RASA2: variants seen among roughly 807,000 people sequenced by gnomAD.
The protein encoded by RASA2 is RAS p21 protein activator 2, also known as ras GTPase-activating protein 2.
A neutral mutation model predicts 118.2 loss-of-function variants in RASA2; 155 were observed. The ratio of observed to expected loss-of-function variants is 1.31; its 90% CI spans 1.15 to 1.50. RASA2 has a LOEUF of 1.50. Ranked by LOEUF, RASA2 falls within the 40% of genes most tolerant of loss-of-function variation. The pLI, the probability that RASA2 is intolerant of heterozygous loss-of-function variation, is 0.00. For missense variants in RASA2, 1,016 were observed against 1,009.6 expected, an observed-to-expected ratio of 1.01 and a Z score of -0.09; for synonymous variants, 353 against 349.1, an observed-to-expected ratio of 1.01 and a Z score of -0.12.
chr3:141,612,243 A>G (rs182580564), intron 23 of RASA2, 40 bp from the exon 24 acceptor site: 2 of 1,450,268 alleles, frequency 1.4e-6, no homozygotes, highest in Admixed American at 1.9e-5. Flanking sequence ...AAATTTTTGT[A>G]TTTCTTAAAT....
At chr3:141,578,049 A>G (rs2083041433) in intron 15 of RASA2, among the ~76,000 whole-genome samples, 1 of 152,210 alleles carries the variant, frequency 6.6e-6, no homozygotes, top group East Asian at 1.9e-4. Flanking sequence ...ACAAATAATA[A>G]CAATAGTCCA....
intron 19 of RASA2, among the ~76,000 whole-genome samples, chr3:141,587,774 C>T (rs914070579): frequency 6.7e-6 from 1 of 150,344 alleles, no homozygotes; most frequent in Admixed American, 6.6e-5. Context: ...GATATTTTAG[C>T]AAGAAGAATT....
chr3:141,573,909 C>T lies in RASA2; in HGVS notation c.1360-35C>T, dbSNP rs541788254. ...AAGGCTATTGAAGATGTGTGAACAT[C>T]AAAATCTTAATGTTTACCTTTTTAA... On this transcript the variant is annotated intron_variant, in intron 13 of 23. Coordinates refer to ENST00000286364, the MANE Select transcript of RASA2 (RefSeq NM_006506.5). The T allele has an allele frequency of 3.6e-5, 55 of 1,547,054 alleles. No homozygotes were observed. In the South Asian group the frequency reaches 6.1e-4, roughly 17 times the overall value.
At chr3:141,526,068 A>G (rs933790460) in intron 3 of RASA2, 2 of 152,186 alleles carry the variant, frequency 1.3e-5, no homozygotes, top group African/African-American at 2.4e-5. Flanking sequence ...CTTGGTTTCA[A>G]AATCTGGCTG....
chr3:141,578,452 G>A (rs2083047823), intron 15 of RASA2: 1 of 147,432 alleles, frequency 6.8e-6, no homozygotes, highest in African/African-American at 2.7e-5. Flanking sequence ...AGGGAAAACA[G>A]ATGAGTTTTA....
intron 19 of RASA2, among the ~76,000 whole-genome samples, chr3:141,600,835 A>G (rs2083451641): frequency 6.6e-6 from 1 of 152,232 alleles, no homozygotes; most frequent in African/African-American, 2.4e-5. Flanking sequence ...ATGGAAAAAT[A>G]AAGGTCTTAA....
chr3:141,531,641 A>G (rs750320755), intron 4 of RASA2, among the ~76,000 whole-genome samples: 9 of 152,048 alleles, frequency 5.9e-5, no homozygotes, highest in Admixed American at 5.2e-4. Flanking sequence ...GATATAATAT[A>G]GTCATTTAAA....
At chr3:141,487,663 C>T (rs2081594850) in intron 1 of RASA2, among the ~76,000 whole-genome samples, 1 of 151,364 alleles carries the variant, frequency 6.6e-6, no homozygotes, top group Non-Finnish European at 1.5e-5. Flanking sequence ...TATACGGAGG[C>T]GCGGCCCGAG....
chr3:141,529,852 A>G (rs749091874), intron 4 of RASA2, 50 bp downstream of exon 4: 4 of 1,393,676 alleles, frequency 2.9e-6, no homozygotes, highest in Admixed American at 1.9e-5. Context: ...GGAAATGAGT[A>G]AAAAATGAAC....
rs894713973 is a variant in RASA2, at chr3:141,614,232, G to C, written c.*1919G>C. On this transcript the variant is annotated 3_prime_UTR_variant, in exon 24 of 24. Coordinates refer to ENST00000286364, the MANE Select transcript of RASA2 (RefSeq NM_006506.5). ...ATCATGGTATGATCACAGGGACCAA[G>C]GCTGTGTGCATATATAACTCTGGAT... 2 of 151,928 alleles carry C rather than the reference G, an allele frequency of 1.3e-5. No homozygotes were observed. The highest frequency in any genetic ancestry group is 2.9e-5 in the Non-Finnish European group (2 of 67,978). The allele number at this position is 151,928 out of a possible 1,614,324, so 9.4% of individuals were successfully genotyped here. A position where few individuals can be genotyped will look rare whatever the true frequency, so the allele number is the denominator to read the frequency against.
intron 9 of RASA2, among the ~76,000 whole-genome samples, chr3:141,562,821 C>T (rs1394032855): frequency 4.6e-5 from 7 of 151,790 alleles, no homozygotes; most frequent in Admixed American, 2.6e-4. Flanking sequence ...GACAGGCATC[C>T]GCCACCACAC....
chr3:141,575,497 T>TA (rs2082996055), intron 14 of RASA2, among the ~76,000 whole-genome samples: 1 of 152,240 alleles, frequency 6.6e-6, no homozygotes, highest in Non-Finnish European at 1.5e-5. Context: ...CACACAGTGT[T>TA]AGTGTGTTAG....
chr3:141,592,066 T>G (rs569268254), intron 19 of RASA2, among the ~76,000 whole-genome samples: 1 of 151,062 alleles, frequency 6.6e-6, no homozygotes, highest in South Asian at 2.1e-4. Flanking sequence ...CAATAAACAG[T>G]AAAAAAAAGA....
At chr3:141,609,742 A>G (rs1367073764) in intron 22 of RASA2, 135 bp from the exon 23 acceptor site, 7 of 827,922 alleles carry the variant, frequency 8.5e-6, no homozygotes, top group Non-Finnish European at 1.1e-5. Context: ...TAAAATGTAT[A>G]TATTTTAGTT....
At chr3:141,527,180 G>A (rs1177133151) in intron 3 of RASA2, among the ~76,000 whole-genome samples, 2 of 152,116 alleles carry the variant, frequency 1.3e-5, no homozygotes, top group African/African-American at 4.8e-5. Context: ...AACTTTGTAG[G>A]CAACCCTCTT....
chr3:141,612,345 A>G lies in RASA2; in HGVS notation c.*32A>G. The G allele has an allele frequency of 6.5e-7, 1 of 1,526,848 alleles. No individual in the cohort carries two copies. Among genetic ancestry groups the G allele is most frequent in the African/African-American group, 1.4e-5 (1 of 71,838 alleles). The allele number at this position is 1,526,848 out of a possible 1,614,324, so 94.6% of individuals were successfully genotyped here. ...ACAGATTGGTTCAGAAGAACTGGAAAATATTATTTTTCTTGGAGCTTTTCA... is the reference window on the plus strand; with the variant it reads ...ACAGATTGGTTCAGAAGAACTGGAAGATATTATTTTTCTTGGAGCTTTTCA... On this transcript the variant is annotated 3_prime_UTR_variant, in exon 24 of 24. Transcript: ENST00000286364.
intron 19 of RASA2, among the ~76,000 whole-genome samples, chr3:141,603,563 C>G (rs2083499493): frequency 1.3e-5 from 2 of 151,930 alleles, no homozygotes; most frequent in South Asian, 4.1e-4. Flanking sequence ...GAGAGCAAAA[C>G]TCTGTCTCAA....
chr3:141,523,707 A>C (rs2082145577), intron 3 of RASA2, among the ~76,000 whole-genome samples: 1 of 152,198 alleles, frequency 6.6e-6, no homozygotes, highest in Non-Finnish European at 1.5e-5. Flanking sequence ...CAAACAAGTA[A>C]ACTGACTATC....
chr3:141,590,065 T>C, intron 19 of RASA2: 2 of 452,460 alleles, frequency 4.4e-6, no homozygotes, highest in South Asian at 3.2e-5. Flanking sequence ...TCCATGCTTT[T>C]TGTTTTAACT....
Sources: allele counts gnomAD v4.1 joint callset (sites outside exome capture counted in the v4.1 genomes callset), GRCh38; gene constraint gnomAD v4.1.1; transcripts MANE v1.5; gene names NCBI Gene and HGNC (gene_info 2026-07-23, HGNC 2026-07-21).